UNC13B: variants seen among roughly 807,000 people sequenced by gnomAD.
UNC13B encodes the protein protein unc-13 homolog B.
In UNC13B, 144 loss-of-function variants were observed where a neutral mutation model predicts 211.0. The observed-to-expected ratio is 0.68, with a 90% CI of 0.60 to 0.78. UNC13B has a LOEUF of 0.78. Among genes scored for constraint, UNC13B ranks in the 30% least tolerant of loss-of-function variants. The pLI is 0.00. For missense variants in UNC13B, 1,777 were observed against 2,002.0 expected (o/e 0.89, Z 2.14); for synonymous variants, 709 against 725.8 (o/e 0.98, Z 0.37).
intron 1 of UNC13B, among the ~76,000 whole-genome samples, chr9:35,170,817 T>C (rs1280993182): frequency 2.0e-5 from 3 of 151,594 alleles, no homozygotes; most frequent in Admixed American, 6.6e-5. Flanking sequence ...TACCTTCTCT[T>C]TTTTTTTGAG....
In UNC13B at chr9:35,305,174, C is replaced by T; in HGVS notation, c.5770C>T (p.Gln1924Ter). 2.5e-6 allele frequency: 1 copy of T among 398,802 alleles called. No individual in the cohort carries two copies. The highest frequency in any genetic ancestry group is 1.3e-4 in the South Asian group (1 of 7,818). The allele number at this position is 398,802 out of a possible 1,614,324, so 24.7% of individuals were successfully genotyped here. A position where few individuals can be genotyped will look rare whatever the true frequency, so the allele number is the denominator to read the frequency against. Reference protein sequence around the residue: ...LFKSSLKLFSQEESSVSMTAN... With the variant: ...LFKSSLKLFS ...TAAAAGTTCATTGAAACTCTTCAGT[C>T]AAGAAGAATCGTCAGTTAGTATGAC... The change falls in exon 9 of 40, where the codon CAA becomes TAA. Residue 1924 changes from glutamine (Q) to a stop codon, truncating the protein, a stop_gained. Coordinates refer to ENST00000635942, the MANE Select transcript of UNC13B (RefSeq NM_001371189.2). LOFTEE classifies it high-confidence loss of function.
chr9:35,253,330 T>G (rs1427155665), intron 6 of UNC13B, among the ~76,000 whole-genome samples: 1 of 151,912 alleles, frequency 6.6e-6, no homozygotes, highest in African/African-American at 2.4e-5. Flanking sequence ...TTTGTGGAGG[T>G]GGGGTCTTGC....
intron 1 of UNC13B, 79 bp downstream of exon 1, chr9:35,162,384 C>G: frequency 1.4e-6 from 2 of 1,449,964 alleles, no homozygotes; most frequent in African/African-American, 1.4e-5. Context: ...GTCCGGTGAC[C>G]GTCTCACCCA....
At chr9:35,353,405 C>G in intron 11 of UNC13B, 2 of 1,232,188 alleles carry the variant, frequency 1.6e-6, no homozygotes, top group South Asian at 4.1e-5. Flanking sequence ...GAACAGTGAT[C>G]GACTTCTTGG....
intron 37 of UNC13B, chr9:35,401,839 A>T: frequency 9.9e-7 from 1 of 1,014,584 alleles, no homozygotes; most frequent in Non-Finnish European, 1.5e-6. Context: ...GTGCTCCCTC[A>T]GAATATGTGT....
At position 35,381,573 on chromosome 9, in the gene UNC13B, C is replaced by T. The variant is rs763112089; in HGVS notation, c.10509C>T (p.Leu3503=). The T allele has an allele frequency of 6.2e-7, 1 of 1,613,922 alleles. No homozygotes were observed. The highest frequency in any genetic ancestry group is 1.1e-5 in the South Asian group (1 of 91,062). ...TCLHENLFHY[L]TDIQGSGGVR... ...TCCTGCAGAATCTTTTCCATTACCT[C>T]ACAGACATTCAGGGCAGTGGAGGAG... The change falls in exon 20 of 40, where the codon CTC becomes CTT. Residue 3503 remains leucine, a synonymous_variant. Transcript: ENST00000635942.
Position 35,377,714 on chromosome 9 carries a change from GA to G in UNC13B, c.10063+20del. ...ATTACTGGTGAGCAGGCCACAGTTT[GA>G]GGGGACAGGAAGGCCTGGGCTATGG... On this transcript the variant is annotated intron_variant, in intron 16 of 39. Coordinates refer to ENST00000635942, the MANE Select transcript of UNC13B (RefSeq NM_001371189.2). 1 of 1,610,004 alleles carries G rather than the reference GA, an allele frequency of 6.2e-7. No individual in the cohort carries two copies. Among genetic ancestry groups the G allele is most frequent in the South Asian group, 1.1e-5 (1 of 90,602 alleles).
At chr9:35,397,521 C>T in intron 29 of UNC13B, 114 bp from the exon 30 acceptor site, 2 of 1,328,744 alleles carry the variant, frequency 1.5e-6, no homozygotes, top group Non-Finnish European at 2.1e-6. Flanking sequence ...TGTGGGATTC[C>T]CCCTTTACCT....
chr9:35,300,362 T>C lies in UNC13B; in HGVS notation c.958T>C (p.Tyr320His), dbSNP rs526878. Reference sequence around the variant, plus strand: ...ACAAAATATGGGGTACCCAGTTTTGTACCCCTACAAAAATGGATTTGTGGT... The same window carrying C: ...ACAAAATATGGGGTACCCAGTTTTGCACCCCTACAAAAATGGATTTGTGGT... ...KKQNMGYPVL[Y>H]PYKNGFVVKS... Residue 320 changes from tyrosine (Y) to histidine (H), a missense_variant, in exon 9 of 40, where the codon TAC becomes CAC. Transcript: ENST00000635942. 4,414 of 398,970 alleles carry C rather than the reference T, an allele frequency of 0.011. 158 individuals carry two copies. The highest frequency in any genetic ancestry group is 0.081 in the African/African-American group (3,946 of 48,734). The allele number at this position is 398,970 out of a possible 1,614,324, so 24.7% of individuals were successfully genotyped here.
intron 6 of UNC13B, 48 bp downstream of exon 6, chr9:35,243,412 A>C: frequency 9.4e-6 from 15 of 1,598,314 alleles, no homozygotes; most frequent in South Asian, 2.2e-5. Context: ...GAAAATCTCC[A>C]ATGCTCTTTA....
rs545674791 is a variant in UNC13B, at chr9:35,163,641, G to A, written c.22+1336G>A. Among the ~76,000 whole-genome samples the A allele has an allele frequency of 3.3e-5, 5 of 152,258 alleles. No individual in the cohort carries two copies. In the South Asian group the frequency reaches 1.0e-3, roughly 32 times the overall value. On this transcript the variant is annotated intron_variant, in intron 1 of 39. Coordinates refer to ENST00000635942, the MANE Select transcript of UNC13B (RefSeq NM_001371189.2). Reference sequence around the variant, plus strand: ...TCTCTTGGACAGTTTAATTCTCTACGGCCACACTGTATTACAGAGCTGGTC... The same window carrying A: ...TCTCTTGGACAGTTTAATTCTCTACAGCCACACTGTATTACAGAGCTGGTC...
intron 13 of UNC13B, among the ~76,000 whole-genome samples, chr9:35,374,840 G>C (rs560697718): frequency 1.1e-4 from 16 of 152,232 alleles, no homozygotes; most frequent in Non-Finnish European, 1.3e-4. Flanking sequence ...GAGTTTCTGT[G>C]GGGTAGGACA....
At chr9:35,248,376 G>A (rs1826233597) in intron 6 of UNC13B, among the ~76,000 whole-genome samples, 1 of 152,108 alleles carries the variant, frequency 6.6e-6, no homozygotes, top group Non-Finnish European at 1.5e-5. Flanking sequence ...TCTGTTCTTA[G>A]TTATTTCTTG....
At chr9:35,189,446 T>TA (rs1266788434) in intron 1 of UNC13B, among the ~76,000 whole-genome samples, 1 of 152,248 alleles carries the variant, frequency 6.6e-6, no homozygotes, top group Non-Finnish European at 1.5e-5. Flanking sequence ...ATCTAAGCTG[T>TA]ATGATTTAGA....
intron 13 of UNC13B, among the ~76,000 whole-genome samples, chr9:35,372,442 C>A (rs1396266716): frequency 6.6e-6 from 1 of 152,236 alleles, no homozygotes; most frequent in Non-Finnish European, 1.5e-5. Flanking sequence ...TTGGCAGATA[C>A]ATGGGCCCTG....
At chr9:35,243,698 A>G (rs1258123265) in intron 6 of UNC13B, among the ~76,000 whole-genome samples, 1 of 151,908 alleles carries the variant, frequency 6.6e-6, no homozygotes, top group Non-Finnish European at 1.5e-5. Context: ...TTTTTTGGAT[A>G]TTATTCTTAT....
chr9:35,278,295 T>C (rs1035213577), intron 7 of UNC13B, among the ~76,000 whole-genome samples: 3 of 152,212 alleles, frequency 2.0e-5, no homozygotes, highest in African/African-American at 7.2e-5. Context: ...TCACCTTCTC[T>C]CTGTTTAAAT....
intron 11 of UNC13B, among the ~76,000 whole-genome samples, chr9:35,315,593 A>G (rs1198703365): frequency 6.6e-6 from 1 of 152,202 alleles, no homozygotes; most frequent in Non-Finnish European, 1.5e-5. Context: ...AAACAAGGCT[A>G]CAGTTCTGTA....
chr9:35,305,312 C>A lies in UNC13B; in HGVS notation c.5908C>A (p.Gln1970Lys). Residue 1970 changes from glutamine to lysine, a missense_variant, in exon 9 of 40, where the codon CAA becomes AAA. Physicochemically the swap from Gln to Lys is moderately conservative, Grantham distance 53. Coordinates refer to ENST00000635942, the MANE Select transcript of UNC13B (RefSeq NM_001371189.2). ...TGATACAAATGTCAAGATACCACCT[C>A]AAGAAAAGAAAGAATCTTCTGGTGT... ...IGDTNVKIPPQEKKESSGVSN... is the reference protein window; with the variant it reads ...IGDTNVKIPPKEKKESSGVSN... 2.5e-6 allele frequency: 1 copy of A among 398,938 alleles called. No homozygotes were observed. Among genetic ancestry groups the A allele is most frequent in the South Asian group, 1.3e-4 (1 of 7,860 alleles). 24.7% of individuals were successfully genotyped at this position (398,938 alleles called of 1,614,324 possible).
Sources: allele counts gnomAD v4.1 joint callset (sites outside exome capture counted in the v4.1 genomes callset), GRCh38; gene constraint gnomAD v4.1.1; transcripts MANE v1.5; gene names NCBI Gene and HGNC (gene_info 2026-07-23, HGNC 2026-07-21).